The following ACOXL variants were observed in gnomAD, a reference collection of about 807,000 sequenced individuals.
ACOXL encodes the protein acyl-CoA oxidase like.
A neutral mutation model predicts 71.9 loss-of-function variants in ACOXL; 70 were observed. The ratio of observed to expected loss-of-function variants is 0.97; its 90% confidence interval spans 0.80 to 1.19. ACOXL has a LOEUF of 1.19. Ranked by LOEUF, ACOXL falls within the 50% of genes most tolerant of loss-of-function variation. The pLI, the probability that ACOXL is intolerant of heterozygous loss-of-function variation, is 0.00. For missense variants in ACOXL, 703 were observed against 736.3 expected (o/e 0.95, Z 0.52); for synonymous variants, 253 against 281.6 (o/e 0.90, Z 1.02).
At chr2:110,786,983 A>G (rs1239261284) in intron 3 of ACOXL, among the ~76,000 whole-genome samples, 1 of 152,064 alleles carries the variant, frequency 6.6e-6, no homozygotes, top group East Asian at 1.9e-4. Context: ...TATCTTTTAC[A>G]TATGTATTGG....
rs2070480913 is a variant in ACOXL, at chr2:111,118,154, A to C, written c.*338A>C. 2.3e-6 allele frequency: 1 copy of C among 438,024 alleles called. No individual in the cohort carries two copies. The highest frequency in any genetic ancestry group is 2.1e-5 in the African/African-American group (1 of 48,024). The allele number at this position is 438,024 out of a possible 1,614,324, so 27.1% of individuals were successfully genotyped here. ...CGCGCCCCACAGCCGGGTGCCGCCA[A>C]AGGTCTCCTGCTGTTAGCGGTGACT... is the stretch of plus-strand genomic sequence containing the variant. On this transcript the variant is annotated 3_prime_UTR_variant, in exon 18 of 18. Transcript: ENST00000439055.
chr2:110,981,621 A>G (rs570680249), intron 12 of ACOXL, among the ~76,000 whole-genome samples: 1 of 152,368 alleles, frequency 6.6e-6, no homozygotes, highest in African/African-American at 2.4e-5. Flanking sequence ...GGTGTTGTAT[A>G]TATGAATGAA....
chr2:110,882,082 G>A (rs549475064), intron 10 of ACOXL, among the ~76,000 whole-genome samples: 70 of 152,210 alleles, frequency 4.6e-4, no homozygotes, highest in African/African-American at 8.2e-4. Context: ...TTACTTTCCC[G>A]ACAGCGGCGT....
rs568507294 is a variant in ACOXL, at chr2:111,082,648, C to A, written c.1441-10217C>A. On this transcript the variant is annotated intron_variant, in intron 16 of 17. Transcript: ENST00000439055. The stretch of plus-strand genomic sequence containing the variant: ...GGTTCTAGATTCCAGTGATCTAGAA[C>A]CAGAAATACCATTTGACTCAGCAAT... Among the ~76,000 whole-genome samples the A allele has an allele frequency of 7.2e-5, 11 of 152,076 alleles. No individual in the cohort carries two copies. The South Asian group carries it at 2.3e-3, about 32-fold the overall frequency.
At chr2:110,923,936 C>G (rs1295551483) in intron 11 of ACOXL, among the ~76,000 whole-genome samples, 1 of 123,668 alleles carries the variant, frequency 8.1e-6, no homozygotes, top group Non-Finnish European at 1.7e-5. Flanking sequence ...GACTCCATCT[C>G]AAAAAAAAAA....
intron 16 of ACOXL, among the ~76,000 whole-genome samples, chr2:111,071,260 C>T (rs540562371): frequency 6.6e-6 from 1 of 152,178 alleles, no homozygotes; most frequent in East Asian, 1.9e-4. Context: ...CTAAGATGAA[C>T]ATCCCCCCTC....
At chr2:110,922,706 A>G (rs1038815157) in intron 11 of ACOXL, among the ~76,000 whole-genome samples, 1 of 152,182 alleles carries the variant, frequency 6.6e-6, no homozygotes, top group African/African-American at 2.4e-5. Context: ...TCTTGATCTT[A>G]GTTAGACACT....
At chr2:110,883,585 GGCCTCTGCCT>G (rs1220542237) in intron 10 of ACOXL, among the ~76,000 whole-genome samples, 1 of 152,110 alleles carries the variant, frequency 6.6e-6, no homozygotes, top group African/African-American at 2.4e-5. Context: ...TTCATTATCT[GGCCTCTGCCT>G]GCCTCTCCAG....
intron 10 of ACOXL, among the ~76,000 whole-genome samples, chr2:110,905,205 G>C (rs1007107286): frequency 6.6e-6 from 1 of 152,038 alleles, no homozygotes; most frequent in Non-Finnish European, 1.5e-5. Flanking sequence ...GTTTTGAAGG[G>C]GTGTGCCAAG....
intron 11 of ACOXL, among the ~76,000 whole-genome samples, chr2:110,916,067 A>G (rs543072516): frequency 1.3e-5 from 2 of 152,006 alleles, no homozygotes; most frequent in Non-Finnish European, 2.9e-5. Context: ...CAGTCTTGCC[A>G]ATTTTTTCTC....
chr2:110,994,858 G>T (rs1488052316), intron 13 of ACOXL, among the ~76,000 whole-genome samples: 1 of 152,064 alleles, frequency 6.6e-6, no homozygotes, highest in African/African-American at 2.4e-5. Context: ...TGCTTTAAAT[G>T]CTGATGTTCC....
At chr2:110,842,438 A>G (rs1043033282) in intron 10 of ACOXL, among the ~76,000 whole-genome samples, 1 of 152,232 alleles carries the variant, frequency 6.6e-6, no homozygotes, top group Non-Finnish European at 1.5e-5. Flanking sequence ...TCCATACAAA[A>G]GACAGATTAA....
chr2:110,744,507 T>C (rs970791482), intron 1 of ACOXL, among the ~76,000 whole-genome samples: 1 of 152,144 alleles, frequency 6.6e-6, no homozygotes, highest in African/African-American at 2.4e-5. Context: ...TTTCTTTTGC[T>C]TCCTCATCAA....
chr2:110,733,988 A>G (rs1377647254), intron 1 of ACOXL, among the ~76,000 whole-genome samples: 1 of 152,156 alleles, frequency 6.6e-6, no homozygotes. Context: ...AGACCACATG[A>G]TGTGTAGTAT....
intron 12 of ACOXL, among the ~76,000 whole-genome samples, chr2:110,958,036 T>G: frequency 1.6e-5 from 2 of 122,076 alleles, no homozygotes; most frequent in East Asian, 2.3e-4. Context: ...GGTGACAGAG[T>G]GAGACTCCGT....
intron 9 of ACOXL, among the ~76,000 whole-genome samples, chr2:110,805,795 G>A (rs1686565595): frequency 6.6e-6 from 1 of 152,208 alleles, no homozygotes; most frequent in African/African-American, 2.4e-5. Flanking sequence ...TCATGTGTCT[G>A]TATAGGGTGT....
intron 2 of ACOXL, among the ~76,000 whole-genome samples, chr2:110,784,460 A>T (rs893749774): frequency 6.6e-6 from 1 of 152,196 alleles, no homozygotes; most frequent in African/African-American, 2.4e-5. Context: ...AGTCGGTCGC[A>T]GGGTTGCAGG....
At chr2:110,995,217 G>A (rs1010984460) in intron 13 of ACOXL, among the ~76,000 whole-genome samples, 20 of 151,708 alleles carry the variant, frequency 1.3e-4, no homozygotes, top group Non-Finnish European at 2.4e-4. Context: ...TGTATAATGG[G>A]GGCCAGGCAC....
At chr2:110,967,691 T>C (rs2149474021) in intron 12 of ACOXL, 1 of 381,182 alleles carries the variant, frequency 2.6e-6, no homozygotes, top group South Asian at 4.1e-5. Context: ...ACAATTATAG[T>C]TGGATATTTC....
Sources: gnomAD v4.1 joint callset for allele counts (sites outside exome capture counted in the v4.1 genomes callset) on GRCh38, gnomAD v4.1.1 for gene constraint, MANE v1.5 for transcripts, NCBI Gene and HGNC (gene_info 2026-07-23, HGNC 2026-07-21) for gene names.